Variants in MARK1 observed in about 807,000 individuals in gnomAD.
MARK1 encodes the protein serine/threonine-protein kinase MARK1.
MARK1 carries 40 observed loss-of-function variants against 96.3 expected under a neutral mutation model. That is an observed-to-expected ratio of 0.42 (90% CI 0.32 to 0.54). The LOEUF is 0.54. Among genes scored for constraint, MARK1 ranks in the 20% least tolerant of loss-of-function variants. The pLI, the probability that MARK1 is intolerant of heterozygous loss-of-function variation, is 0.16. For synonymous variants in MARK1, 317 were observed against 341.2 expected (o/e 0.93, Z 0.78); for missense variants, 719 against 984.6 (o/e 0.73, Z 3.61).
In MARK1 at chr1:220,589,099, A is replaced by G. The variant is rs138915825; in HGVS notation, c.309+7981A>G. Among the ~76,000 whole-genome samples, 727 of 152,296 alleles carry G rather than the reference A, an allele frequency of 4.8e-3. 6 individuals are homozygous for G. Among genetic ancestry groups the G allele is most frequent in the Middle Eastern group, 0.027 (8 of 294 alleles). ...AACCACTGCCTTTGTCAAGCTCCCA[A>G]TGACCACAATGTGCTCCTTCTGCCT... is the stretch of plus-strand genomic sequence containing the variant. On this transcript the variant is annotated intron_variant, in intron 3 of 17. Transcript: ENST00000366917.
chr1:220,591,376 A>G (rs1324124886), intron 3 of MARK1, among the ~76,000 whole-genome samples: 1 of 152,246 alleles, frequency 6.6e-6, no homozygotes, highest in Non-Finnish European at 1.5e-5. Context: ...CAAATTTGCC[A>G]GTAATTTCAT....
In MARK1 at chr1:220,528,219, T is replaced by A. The variant is rs1660038728; in HGVS notation, c.-604T>A. The stretch of plus-strand genomic sequence containing the variant: ...CGCAGCCGGCTCGGGCCGCTCCTCC[T>A]GACTGAGGCGCGGCGGCGGCGGTGG... On this transcript the variant is annotated 5_prime_UTR_variant, in exon 1 of 18. Transcript: ENST00000366917. The A allele has an allele frequency of 6.7e-6, 1 of 150,270 alleles. No homozygotes were observed. Among genetic ancestry groups the A allele is most frequent in the South Asian group, 2.1e-4 (1 of 4,812 alleles). 9.3% of individuals were successfully genotyped at this position (150,270 alleles called of 1,614,324 possible). A position where few individuals can be genotyped will look rare whatever the true frequency, so the allele number is the denominator to read the frequency against.
chr1:220,604,902 G>A (rs1665977925), intron 6 of MARK1, among the ~76,000 whole-genome samples: 1 of 152,024 alleles, frequency 6.6e-6, no homozygotes, highest in Admixed American at 6.6e-5. Context: ...ATTTACTAAA[G>A]TTTAAGTGGA....
At chr1:220,623,874 C>T (rs1048047905) in intron 9 of MARK1, among the ~76,000 whole-genome samples, 1 of 152,236 alleles carries the variant, frequency 6.6e-6, no homozygotes, top group Non-Finnish European at 1.5e-5. Context: ...CCAAATACTG[C>T]TTATATTTCA....
intron 7 of MARK1, 55 bp downstream of exon 7, chr1:220,616,050 T>A: frequency 1.2e-6 from 1 of 856,920 alleles, no homozygotes; most frequent in Non-Finnish European, 1.8e-6. Context: ...TTAACATATA[T>A]TTAATAATAA....
intron 1 of MARK1, among the ~76,000 whole-genome samples, chr1:220,542,002 G>T (rs1322540442): frequency 6.6e-6 from 1 of 151,754 alleles, no homozygotes; most frequent in African/African-American, 2.4e-5. Context: ...TGATTTTTTT[G>T]TAGTGACCTC....
chr1:220,560,823 A>C (rs1476315706), intron 1 of MARK1, among the ~76,000 whole-genome samples: 1 of 152,208 alleles, frequency 6.6e-6, no homozygotes, highest in Non-Finnish European at 1.5e-5. Flanking sequence ...AGAAAGTGAA[A>C]TCACAGATAA....
chr1:220,587,261 CTTCCTTCCTTCCTTCT>C (rs899971681), intron 3 of MARK1, among the ~76,000 whole-genome samples: 4 of 150,086 alleles, frequency 2.7e-5, no homozygotes, highest in African/African-American at 4.9e-5. Flanking sequence ...CTCTCCTTTC[CTTCCTTCCTTCCTTCT>C]TTCCTTCCTT....
chr1:220,535,653 A>G (rs1345250621), intron 1 of MARK1, among the ~76,000 whole-genome samples: 2 of 152,116 alleles, frequency 1.3e-5, no homozygotes, highest in African/African-American at 4.8e-5. Context: ...CAAGTCTTAA[A>G]TTTAAATCTT....
intron 3 of MARK1, among the ~76,000 whole-genome samples, chr1:220,590,374 T>G (rs987443065): frequency 5.9e-5 from 9 of 152,164 alleles, no homozygotes; most frequent in African/African-American, 9.7e-5. Flanking sequence ...AAATTCAAGA[T>G]GAAGGTGTGT....
At chr1:220,651,840 G>T (rs1668894882) in intron 14 of MARK1, 146 bp from the exon 15 acceptor site, 2 of 501,592 alleles carry the variant, frequency 4.0e-6, no homozygotes, top group Non-Finnish European at 7.0e-6. Flanking sequence ...CATTAATAAT[G>T]CCACTAATGT....
chr1:220,604,662 C>T (rs1665958759), intron 6 of MARK1, among the ~76,000 whole-genome samples: 1 of 151,782 alleles, frequency 6.6e-6, no homozygotes, highest in Non-Finnish European at 1.5e-5. Context: ...GTAAGATACT[C>T]ATATTTCCAG....
At chr1:220,580,514 A>C (rs1423551713) in intron 2 of MARK1, among the ~76,000 whole-genome samples, 2 of 152,046 alleles carry the variant, frequency 1.3e-5, no homozygotes, top group South Asian at 2.1e-4. Flanking sequence ...ATTTTTAATA[A>C]ATTTTCACTT....
chr1:220,622,875 A>C (rs1253131302), intron 9 of MARK1, among the ~76,000 whole-genome samples: 1 of 152,120 alleles, frequency 6.6e-6, no homozygotes, highest in African/African-American at 2.4e-5. Flanking sequence ...ACAGAACAAG[A>C]CCCTGTCTCC....
At chr1:220,579,658 T>A in intron 2 of MARK1, 101 bp downstream of exon 2, 1 of 879,540 alleles carries the variant, frequency 1.1e-6, no homozygotes, top group Admixed American at 1.9e-5. Flanking sequence ...ACAGTTTCAA[T>A]ATGATTAACA....
At chr1:220,536,847 C>T (rs1487707495) in intron 1 of MARK1, among the ~76,000 whole-genome samples, 2 of 152,196 alleles carry the variant, frequency 1.3e-5, no homozygotes, top group East Asian at 3.8e-4. Flanking sequence ...TGCCAAAGTG[C>T]TGGGATTACA....
chr1:220,603,068 G>A (rs927540050), intron 5 of MARK1, among the ~76,000 whole-genome samples: 3 of 151,818 alleles, frequency 2.0e-5, no homozygotes, highest in African/African-American at 7.3e-5. Flanking sequence ...TACCAAAATT[G>A]GTCTGATTCT....
chr1:220,578,112 ACT>A (rs1418304233), intron 1 of MARK1, among the ~76,000 whole-genome samples: 3 of 152,122 alleles, frequency 2.0e-5, no homozygotes, highest in Non-Finnish European at 2.9e-5. Flanking sequence ...GGGCAATATA[ACT>A]CTGCATTAGT....
intron 1 of MARK1, among the ~76,000 whole-genome samples, chr1:220,536,348 T>A (rs775905235): frequency 2.6e-5 from 4 of 152,004 alleles, no homozygotes; most frequent in Non-Finnish European, 5.9e-5. Flanking sequence ...TTCTTGGTCT[T>A]AAAGGGAAAC....
Sources: allele counts gnomAD v4.1 joint callset (sites outside exome capture counted in the v4.1 genomes callset), GRCh38; gene constraint gnomAD v4.1.1; transcripts MANE v1.5; gene names NCBI Gene and HGNC (gene_info 2026-07-23, HGNC 2026-07-21).